Variants in HECW1 observed in about 807,000 individuals in gnomAD.
The protein encoded by HECW1 is E3 ubiquitin-protein ligase HECW1.
In HECW1, 61 loss-of-function variants were observed where a neutral mutation model predicts 182.3. The ratio of observed to expected loss-of-function variants is 0.33; its 90% CI spans 0.27 to 0.41. HECW1 has a LOEUF of 0.41. Among genes scored for constraint, HECW1 ranks in the 10% least tolerant of loss-of-function variants. The probability of loss-of-function intolerance (pLI) is 1.00; values close to 1 mark genes in which losing one functional copy is unlikely to be tolerated. For synonymous variants in HECW1, 859 were observed against 832.6 expected, an observed-to-expected ratio of 1.03 and a Z score of -0.55; for missense variants, 1,739 against 2,108.9, an observed-to-expected ratio of 0.82 and a Z score of 3.44.
chr7:43,559,046 T>C (rs891730593), intron 29 of HECW1, among the ~76,000 whole-genome samples: 5 of 152,212 alleles, frequency 3.3e-5, no homozygotes, highest in Non-Finnish European at 7.4e-5. Flanking sequence ...GAGTGACTGC[T>C]GCCACTTTTG....
chr7:43,452,756 C>T (rs906776561), intron 12 of HECW1, among the ~76,000 whole-genome samples: 4 of 152,096 alleles, frequency 2.6e-5, no homozygotes, highest in South Asian at 2.1e-4. Context: ...TCTCTGAGTT[C>T]GTGTGGGGGT....
At chr7:43,147,902 C>G (rs749274217) in intron 2 of HECW1, among the ~76,000 whole-genome samples, 15 of 152,214 alleles carry the variant, frequency 9.9e-5, no homozygotes, top group Admixed American at 3.3e-4. Flanking sequence ...AAGCTGAGCA[C>G]TAGGCCAGGT....
At chr7:43,466,413 ATGCATTCTGT>A in intron 14 of HECW1, 24 bp from the exon 15 acceptor site, 1 of 1,608,684 alleles carries the variant, frequency 6.2e-7, no homozygotes, top group Non-Finnish European at 8.5e-7. Context: ...CTTTTTCCCA[ATGCATTCTGT>A]TGCTTTGCTT....
intron 29 of HECW1, among the ~76,000 whole-genome samples, chr7:43,557,570 T>G (rs1455115977): frequency 1.3e-5 from 2 of 152,230 alleles, no homozygotes; most frequent in Admixed American, 1.3e-4. Context: ...GTTCACCCTG[T>G]CAGCCATGTG....
intron 6 of HECW1, among the ~76,000 whole-genome samples, chr7:43,381,614 C>G (rs2074554255): frequency 6.6e-6 from 1 of 151,950 alleles, no homozygotes; most frequent in African/African-American, 2.4e-5. Context: ...CTCGACCTCT[C>G]AAGTAACCAA....
At chr7:43,499,181 C>T (rs986648855) in intron 19 of HECW1, among the ~76,000 whole-genome samples, 3 of 151,990 alleles carry the variant, frequency 2.0e-5, no homozygotes, top group African/African-American at 7.3e-5. Flanking sequence ...CATGGGGGGA[C>T]TGAGGCAGGA....
At chr7:43,460,552 G>T (rs562207935) in intron 13 of HECW1, among the ~76,000 whole-genome samples, 6 of 151,464 alleles carry the variant, frequency 4.0e-5, no homozygotes, top group Non-Finnish European at 5.9e-5. Context: ...GTGTGTGTGC[G>T]TGTGTGCGTG....
At chr7:43,443,903 A>T (rs1175024570) in intron 10 of HECW1, among the ~76,000 whole-genome samples, 7 of 152,234 alleles carry the variant, frequency 4.6e-5, no homozygotes, top group African/African-American at 1.7e-4. Flanking sequence ...CATGTGGCAA[A>T]CACTGTTGAG....
intron 26 of HECW1, among the ~76,000 whole-genome samples, chr7:43,546,007 C>T (rs990662835): frequency 6.6e-6 from 1 of 152,092 alleles, no homozygotes; most frequent in Non-Finnish European, 1.5e-5. Flanking sequence ...AAGTCAAAAG[C>T]AGTCAAACAA....
chr7:43,118,297 T>C (rs1209088212), intron 2 of HECW1: 5 of 152,736 alleles, frequency 3.3e-5, no homozygotes, highest in Non-Finnish European at 7.3e-5. Context: ...TGTCCTGAAA[T>C]TGACATCCAT....
At chr7:43,314,103 C>T (rs1005840874) in intron 4 of HECW1, among the ~76,000 whole-genome samples, 1 of 152,198 alleles carries the variant, frequency 6.6e-6, no homozygotes, top group African/African-American at 2.4e-5. Context: ...CATGAGCCAC[C>T]ATGCCCAGCC....
chr7:43,151,722 T>A (rs1455103445), intron 2 of HECW1, among the ~76,000 whole-genome samples: 1 of 152,092 alleles, frequency 6.6e-6, no homozygotes, highest in East Asian at 1.9e-4. Context: ...AAAATATAAA[T>A]AGGAATTACA....
At chr7:43,445,684 G>A in intron 11 of HECW1, 114 bp downstream of exon 11, 3 of 1,275,700 alleles carry the variant, frequency 2.4e-6, no homozygotes, top group Non-Finnish European at 2.1e-6. Flanking sequence ...GGTTGCTGGG[G>A]CAATGTATGC....
intron 7 of HECW1, among the ~76,000 whole-genome samples, chr7:43,402,375 C>T (rs1171211764): frequency 1.3e-5 from 2 of 152,194 alleles, no homozygotes; most frequent in Admixed American, 6.5e-5. Flanking sequence ...TGCATGCTCC[C>T]TCTCCCATAA....
chr7:43,138,117 T>C (rs1033226499), intron 2 of HECW1, among the ~76,000 whole-genome samples: 1 of 152,202 alleles, frequency 6.6e-6, no homozygotes, highest in Non-Finnish European at 1.5e-5. Context: ...AACCCTCGAA[T>C]TTTTTTCTCT....
At chr7:43,328,740 C>T (rs1436042482) in intron 5 of HECW1, among the ~76,000 whole-genome samples, 1 of 152,164 alleles carries the variant, frequency 6.6e-6, no homozygotes, top group Non-Finnish European at 1.5e-5. Flanking sequence ...CATTCAGATT[C>T]GCAGCAATAC....
At chr7:43,204,488 A>C (rs557506755) in intron 2 of HECW1, among the ~76,000 whole-genome samples, 1 of 152,346 alleles carries the variant, frequency 6.6e-6, no homozygotes, top group East Asian at 1.9e-4. Flanking sequence ...CATTATGTAA[A>C]TATCTACTGA....
At chr7:43,200,358 C>T (rs73099664) in intron 2 of HECW1, among the ~76,000 whole-genome samples, 4,962 of 152,226 alleles carry the variant, frequency 0.033, 98 homozygotes, top group Middle Eastern at 0.058. Flanking sequence ...AAAATGCTTT[C>T]GTCAAAAACT....
At chr7:43,511,991 C>T (rs1025984830) in intron 24 of HECW1, 23 of 207,116 alleles carry the variant, frequency 1.1e-4, no homozygotes, top group Non-Finnish European at 2.0e-4. Context: ...GTCCTCAAAT[C>T]TGATCGCTCA....
Sources: allele counts gnomAD v4.1 joint callset (sites outside exome capture counted in the v4.1 genomes callset), GRCh38; gene constraint gnomAD v4.1.1; transcripts MANE v1.5; gene names NCBI Gene and HGNC (gene_info 2026-07-23, HGNC 2026-07-21).